SPTLC2: variants seen among roughly 807,000 people sequenced by gnomAD.
SPTLC2 encodes the protein serine palmitoyltransferase long chain base subunit 2.
A neutral mutation model predicts 62.0 loss-of-function variants in SPTLC2; 21 were observed. That is an observed-to-expected ratio of 0.34 (90% CI 0.24 to 0.49). The LOEUF (loss-of-function observed/expected upper bound fraction) is 0.49. Among genes scored for constraint, SPTLC2 ranks in the 20% least tolerant of loss-of-function variants. SPTLC2 has a pLI of 0.99. For missense variants in SPTLC2, 511 were observed against 713.0 expected, an observed-to-expected ratio of 0.72 and a Z score of 3.23; for synonymous variants, 261 against 261.8, an observed-to-expected ratio of 1.00 and a Z score of 0.03.
intron 2 of SPTLC2, among the ~76,000 whole-genome samples, chr14:77,586,078 CTTT>C (rs57174185): frequency 5.1e-5 from 7 of 137,454 alleles, no homozygotes; most frequent in Non-Finnish European, 6.2e-5. Context: ...TTTCTTTTTT[CTTT>C]TTTTTTTTTT....
chr14:77,556,672 G>A (rs11621440), intron 7 of SPTLC2, among the ~76,000 whole-genome samples: 58,421 of 151,924 alleles, frequency 0.38, 13,241 homozygotes, highest in East Asian at 0.87. Flanking sequence ...GATTACAGGC[G>A]TGAGCCACTG....
chr14:77,579,067 T>C lies in SPTLC2; in HGVS notation c.370A>G (p.Arg124Gly). 1 of 1,614,180 alleles carries C rather than the reference T, an allele frequency of 6.2e-7. No homozygotes were observed. Among genetic ancestry groups the C allele is most frequent in the Non-Finnish European group, 8.5e-7 (1 of 1,180,034 alleles). Residue 124 changes from arginine (R) to glycine (G), a missense_variant, in exon 3 of 12, where the codon AGG (arginine) becomes GGG (glycine). Transcript: ENST00000216484. ...TCTCTTATCCTCATGTACAGATTCCTTGTATAAAAGTTTTCAAAATCTTGA... is the reference window on the plus strand; with the variant it reads ...TCTCTTATCCTCATGTACAGATTCCCTGTATAAAAGTTTTCAAAATCTTGA... ...LYQDFENFYT[R>G]NLYMRIRDNW...
chr14:77,591,491 T>C (rs1300249758), intron 2 of SPTLC2, among the ~76,000 whole-genome samples: 2 of 152,212 alleles, frequency 1.3e-5, no homozygotes, highest in Non-Finnish European at 2.9e-5. Context: ...ATGTCAATTA[T>C]TTAAAAAGAC....
intron 1 of SPTLC2, among the ~76,000 whole-genome samples, chr14:77,599,055 A>G (rs2079863677): frequency 6.6e-6 from 1 of 152,222 alleles, no homozygotes; most frequent in Non-Finnish European, 1.5e-5. Context: ...ATTCCCAAAC[A>G]TCGTAAGATT....
intron 10 of SPTLC2, 125 bp from the exon 11 acceptor site, chr14:77,518,292 T>C: frequency 1.5e-6 from 2 of 1,371,244 alleles, no homozygotes; most frequent in Non-Finnish European, 2.0e-6. Context: ...TAATAGGAGT[T>C]TCCTTTAACT....
intron 9 of SPTLC2, among the ~76,000 whole-genome samples, chr14:77,539,573 T>A (rs1349382323): frequency 2.3e-5 from 3 of 133,066 alleles, no homozygotes; most frequent in African/African-American, 8.3e-5. Flanking sequence ...CATTGCAACC[T>A]CTGGCTCCTG....
At position 77,514,996 on chromosome 14, in the gene SPTLC2, C is replaced by T. The variant is rs201986651; in HGVS notation, c.1570-2593G>A. ...CTTCACTCTTCTGCATCCAGCTGAC[C>T]TAGTACTGTTTGTTGAAGAGACTAT... On this transcript the variant is annotated intron_variant, in intron 11 of 11. Transcript: ENST00000216484. Among the ~76,000 whole-genome samples the T allele has an allele frequency of 5.9e-5, 9 of 152,350 alleles. No individual in the cohort carries two copies. In the East Asian group the frequency reaches 1.7e-3, roughly 29 times the overall value.
At chr14:77,577,038 A>C in intron 3 of SPTLC2, 123 bp from the exon 4 acceptor site, 1 of 1,010,518 alleles carries the variant, frequency 9.9e-7, no homozygotes, top group Non-Finnish European at 1.5e-6. Context: ...AAAAATCTCA[A>C]ACACACTACC....
chr14:77,541,533 G>A (rs957133521), intron 9 of SPTLC2, among the ~76,000 whole-genome samples: 18 of 152,154 alleles, frequency 1.2e-4, no homozygotes, highest in African/African-American at 4.3e-4. Flanking sequence ...GAAGCGGGGG[G>A]TCCATGTGGA....
intron 9 of SPTLC2, among the ~76,000 whole-genome samples, chr14:77,540,136 C>T (rs61992441): frequency 0.2 from 28,683 of 142,330 alleles, 2,831 homozygotes; most frequent in East Asian, 0.32. Flanking sequence ...GCGGAGGTTG[C>T]GGTAAGCAGA....
intron 2 of SPTLC2, among the ~76,000 whole-genome samples, chr14:77,589,296 C>T (rs1193851773): frequency 6.6e-6 from 1 of 151,936 alleles, no homozygotes; most frequent in African/African-American, 2.4e-5. Context: ...TGTTTCTATG[C>T]TGTCCATGAA....
intron 9 of SPTLC2, among the ~76,000 whole-genome samples, chr14:77,537,977 C>A (rs2079479632): frequency 6.6e-6 from 1 of 152,166 alleles, no homozygotes; most frequent in African/African-American, 2.4e-5. Context: ...ATGAAATGAA[C>A]GACTATCTTA....
chr14:77,559,404 C>T (rs2079602902), intron 6 of SPTLC2, among the ~76,000 whole-genome samples: 1 of 152,056 alleles, frequency 6.6e-6, no homozygotes, highest in Admixed American at 6.6e-5. Flanking sequence ...TGTTATGCCC[C>T]CAAATTCCAC....
chr14:77,569,211 A>AT (rs1335218616), intron 5 of SPTLC2, among the ~76,000 whole-genome samples: 14 of 151,902 alleles, frequency 9.2e-5, no homozygotes, highest in Admixed American at 2.6e-4. Flanking sequence ...TGCATGCTGT[A>AT]TTTTTTTTCT....
At chr14:77,557,680 TTGGTACTG>T (rs1383564150) in intron 6 of SPTLC2, among the ~76,000 whole-genome samples, 1 of 152,222 alleles carries the variant, frequency 6.6e-6, no homozygotes, top group East Asian at 1.9e-4. Context: ...GAGTTTTATT[TTGGTACTG>T]GGTTAAAAAT....
At chr14:77,567,353 A>T (rs2079651132) in intron 5 of SPTLC2, among the ~76,000 whole-genome samples, 1 of 152,242 alleles carries the variant, frequency 6.6e-6, no homozygotes, top group Non-Finnish European at 1.5e-5. Context: ...ATACAGAGAG[A>T]AGAGCAAGAT....
At chr14:77,543,502 A>G (rs1367386190) in intron 9 of SPTLC2, among the ~76,000 whole-genome samples, 1 of 152,224 alleles carries the variant, frequency 6.6e-6, no homozygotes, top group Non-Finnish European at 1.5e-5. Context: ...TTAGAGGTAG[A>G]AGGCAATACA....
chr14:77,523,042 C>T (rs980155842), intron 9 of SPTLC2, among the ~76,000 whole-genome samples: 1 of 152,176 alleles, frequency 6.6e-6, no homozygotes, highest in Non-Finnish European at 1.5e-5. Flanking sequence ...CTAGTGTGAG[C>T]ACTGAAGAGC....
intron 8 of SPTLC2, among the ~76,000 whole-genome samples, chr14:77,552,805 TAA>T (rs58847640): frequency 0.43 from 56,049 of 130,372 alleles, 12,338 homozygotes; most frequent in East Asian, 0.85. Context: ...GACTCCGTCT[TAA>T]AAAAAAAAAA....
Sources: allele counts gnomAD v4.1 joint callset (sites outside exome capture counted in the v4.1 genomes callset), GRCh38; gene constraint gnomAD v4.1.1; transcripts MANE v1.5; gene names NCBI Gene and HGNC (gene_info 2026-07-23, HGNC 2026-07-21).